The following ELF2 variants were observed in gnomAD, a reference collection of about 807,000 sequenced individuals.
The protein encoded by ELF2 is ETS-related transcription factor Elf-2.
In ELF2, 11 loss-of-function variants were observed where a neutral mutation model predicts 54.8. That is an observed-to-expected ratio of 0.20 (90% CI 0.13 to 0.33). The LOEUF (loss-of-function observed/expected upper bound fraction) is 0.33, where lower values mean the gene tolerates loss of function less well. ELF2 is among the 10% of genes least tolerant of loss of function. ELF2 has a pLI of 1.00. For missense variants in ELF2, 513 were observed against 703.0 expected (o/e 0.73, Z 3.06); for synonymous variants, 203 against 245.1 (o/e 0.83, Z 1.61).
intron 4 of ELF2, among the ~76,000 whole-genome samples, chr4:139,085,975 T>TA (rs2148743017): frequency 6.6e-6 from 1 of 152,328 alleles, no homozygotes; most frequent in African/African-American, 2.4e-5. Context: ...CCCAAGAAGT[T>TA]ACTTAACAAA....
chr4:139,155,293 G>C (rs750905574), intron 1 of ELF2: 53 of 152,124 alleles, frequency 3.5e-4, no homozygotes, highest in African/African-American at 1.3e-3. Flanking sequence ...GACCTCCAAG[G>C]AGAGGGGGAT....
At chr4:139,100,267 G>C (rs1264745723) in intron 4 of ELF2, 1 of 146,188 alleles carries the variant, frequency 6.8e-6, no homozygotes, top group Admixed American at 6.8e-5. Flanking sequence ...TTAAATGTTA[G>C]AGCTGTCTTT....
At chr4:139,124,961 GA>G (rs1736771282) in intron 4 of ELF2, among the ~76,000 whole-genome samples, 1 of 152,166 alleles carries the variant, frequency 6.6e-6, no homozygotes, top group Non-Finnish European at 1.5e-5. Flanking sequence ...TCCATGATAT[GA>G]GACTGTTACA....
At chr4:139,112,338 C>G (rs752986322) in intron 4 of ELF2, among the ~76,000 whole-genome samples, 8 of 152,196 alleles carry the variant, frequency 5.3e-5, no homozygotes, top group Non-Finnish European at 8.8e-5. Flanking sequence ...TATCATAATT[C>G]TCATCACATT....
chr4:139,111,545 T>C (rs577744984), intron 4 of ELF2, among the ~76,000 whole-genome samples: 1 of 150,964 alleles, frequency 6.6e-6, no homozygotes, highest in South Asian at 2.1e-4. Context: ...AATATTCCTA[T>C]TACACAATTG....
chr4:139,069,355 T>TTACAATTA (rs1729184563), intron 6 of ELF2, among the ~76,000 whole-genome samples: 1 of 152,196 alleles, frequency 6.6e-6, no homozygotes, highest in African/African-American at 2.4e-5. Context: ...TAATCAGAAG[T>TTACAATTA]CTGTTTTAAC....
chr4:139,165,770 A>C (rs1018088000), intron 1 of ELF2, among the ~76,000 whole-genome samples: 11 of 152,246 alleles, frequency 7.2e-5, no homozygotes, highest in Non-Finnish European at 1.6e-4. Context: ...CACTGAACTA[A>C]ATCAGGCTTG....
intron 3 of ELF2, among the ~76,000 whole-genome samples, chr4:139,135,799 A>G (rs1738090895): frequency 6.6e-6 from 1 of 152,198 alleles, no homozygotes; most frequent in African/African-American, 2.4e-5. Context: ...TGATCACCCT[A>G]TAAGACTACC....
intron 1 of ELF2, among the ~76,000 whole-genome samples, chr4:139,174,390 T>C (rs886314608): frequency 2.0e-5 from 3 of 152,152 alleles, no homozygotes; most frequent in Non-Finnish European, 4.4e-5. Flanking sequence ...TCTATAATGA[T>C]AGAAAGTCGA....
chr4:139,151,355 T>C (rs1251648162), intron 1 of ELF2, among the ~76,000 whole-genome samples: 1 of 152,224 alleles, frequency 6.6e-6, no homozygotes, highest in African/African-American at 2.4e-5. Flanking sequence ...TAAATTTTAT[T>C]GTTTGGTTTA....
At chr4:139,144,877 C>T (rs1396038623) in intron 1 of ELF2, among the ~76,000 whole-genome samples, 1 of 152,196 alleles carries the variant, frequency 6.6e-6, no homozygotes, top group Non-Finnish European at 1.5e-5. Context: ...CCTGACCAAG[C>T]CCCCCACCTG....
chr4:139,129,911 C>T (rs1439934263), intron 3 of ELF2, among the ~76,000 whole-genome samples: 2 of 152,276 alleles, frequency 1.3e-5, no homozygotes, highest in East Asian at 3.9e-4. Flanking sequence ...AATATAACCC[C>T]AACCCACCTG....
At chr4:139,087,735 A>G (rs1186091958) in intron 4 of ELF2, among the ~76,000 whole-genome samples, 1 of 152,136 alleles carries the variant, frequency 6.6e-6, no homozygotes, top group Non-Finnish European at 1.5e-5. Flanking sequence ...AAAATGCTGG[A>G]ATTACAGGCG....
intron 1 of ELF2, among the ~76,000 whole-genome samples, chr4:139,175,639 G>C (rs1472494113): frequency 1.3e-5 from 2 of 152,182 alleles, no homozygotes; most frequent in African/African-American, 4.8e-5. Flanking sequence ...TGGCACCAAA[G>C]AAAGTGCATA....
chr4:139,075,335 T>C (rs1730151169), intron 4 of ELF2, among the ~76,000 whole-genome samples: 1 of 152,222 alleles, frequency 6.6e-6, no homozygotes, highest in Admixed American at 6.5e-5. Flanking sequence ...TCCTGTAAGA[T>C]TATAAACTTC....
chr4:139,133,818 T>C (rs1737813791), intron 3 of ELF2, among the ~76,000 whole-genome samples: 2 of 152,178 alleles, frequency 1.3e-5, no homozygotes, highest in Admixed American at 6.5e-5. Context: ...CAATTGTATA[T>C]TGCTAGTATA....
intron 3 of ELF2, chr4:139,137,014 AGCCCCG>A (rs1273493102): frequency 6.6e-6 from 1 of 151,614 alleles, no homozygotes; most frequent in Admixed American, 6.6e-5. Context: ...AGGACCTAGA[AGCCCCG>A]GTATTTCTAC....
chr4:139,134,326 C>T (rs1401080954), intron 3 of ELF2, among the ~76,000 whole-genome samples: 1 of 151,648 alleles, frequency 6.6e-6, no homozygotes, highest in African/African-American at 2.4e-5. Flanking sequence ...ACCATTTATA[C>T]ACTGCTAGAT....
chr4:139,127,571 A>C (rs1453618922), intron 3 of ELF2, among the ~76,000 whole-genome samples: 1 of 152,098 alleles, frequency 6.6e-6, no homozygotes, highest in African/African-American at 2.4e-5. Context: ...AAGTAAAGAA[A>C]TTATAATACA....
Sources: allele counts gnomAD v4.1 joint callset (sites outside exome capture counted in the v4.1 genomes callset), GRCh38; gene constraint gnomAD v4.1.1; transcripts MANE v1.5; gene names NCBI Gene and HGNC (gene_info 2026-07-23, HGNC 2026-07-21).